The following RFLNA variants were observed in gnomAD, a reference collection of about 807,000 sequenced individuals.
The protein encoded by RFLNA is refilin-A.
Under a neutral mutation model 7.8 loss-of-function variants are expected in RFLNA, and 5 were observed. The observed-to-expected ratio is 0.64, with a 90% CI of 0.34 to 1.35. The LOEUF (loss-of-function observed/expected upper bound fraction) is 1.35, where lower values mean the gene tolerates loss of function less well. RFLNA is among the 40% of genes most tolerant of loss of function. The pLI is 0.04. For synonymous variants in RFLNA, 141 were observed against 131.3 expected (o/e 1.07, Z -0.50); for missense variants, 278 against 305.5 (o/e 0.91, Z 0.67).
At position 124,289,591 on chromosome 12, in the gene RFLNA, G is replaced by C. The variant is rs960543746; in HGVS notation, c.-37+221G>C. Reference sequence around the variant, plus strand: ...TTGTCCCCGCTTCCCTGTCTTAGTAGGGCAGGTGGTCAAGAGCTGGTTTTA... The same window carrying C: ...TTGTCCCCGCTTCCCTGTCTTAGTACGGCAGGTGGTCAAGAGCTGGTTTTA... On this transcript the variant is annotated intron_variant, in intron 1 of 2. Transcript: ENST00000324038. The surrounding 1 kb of genome is among the most constrained non-coding windows in gnomAD (Gnocchi z 5.0). Among the ~76,000 whole-genome samples the C allele has an allele frequency of 1.3e-5, 2 of 152,220 alleles. No homozygotes were observed. Among genetic ancestry groups the C allele is most frequent in the African/African-American group, 4.8e-5 (2 of 41,454 alleles).
At chr12:124,303,139 C>A (rs2034074871) in intron 1 of RFLNA, among the ~76,000 whole-genome samples, 1 of 152,210 alleles carries the variant, frequency 6.6e-6, no homozygotes, top group Non-Finnish European at 1.5e-5. Context: ...TGAGTCCCTG[C>A]CCAGCCGGGC....
intron 1 of RFLNA, among the ~76,000 whole-genome samples, chr12:124,298,903 G>A (rs1460376495): frequency 1.3e-5 from 2 of 152,214 alleles, no homozygotes; most frequent in Non-Finnish European, 2.9e-5. Context: ...TGGCCTGTTC[G>A]GGTGATGGGT....
upstream of RFLNA, among the ~76,000 whole-genome samples, chr12:124,293,215 C>T (rs1593021935): frequency 6.6e-6 from 1 of 152,322 alleles, no homozygotes; most frequent in East Asian, 1.9e-4. Context: ...GCGTGAGCCA[C>T]CGCACCAGGC....
Position 124,295,542 on chromosome 12 carries a change from C to T in RFLNA, c.113C>T (p.Pro38Leu). The change falls in exon 1 of 3, where the codon CCG (proline) becomes CTG (leucine). Residue 38 changes from proline (P) to leucine (L), a missense_variant. By Grantham distance (98) the Pro-to-Leu change is moderately conservative. Coordinates refer to ENST00000546355, the MANE Select transcript of RFLNA (RefSeq NM_001365156.1). ...CTGCCCCCCAGCCCCAGCCCCAGCC[C>T]GCCCTTCTACTCCCTGGCGCCCGGC... ...SGLPPSPSPSPPFYSLAPGIL... is the reference protein window; with the variant it reads ...SGLPPSPSPSLPFYSLAPGIL... 8.1e-7 allele frequency: 1 copy of T among 1,230,124 alleles called. No homozygotes were observed. The highest frequency in any genetic ancestry group is 1.0e-6 in the Non-Finnish European group (1 of 988,350). 76.2% of individuals were successfully genotyped at this position (1,230,124 alleles called of 1,614,324 possible).
In RFLNA at chr12:124,296,176, C is replaced by CTTTTCTTTTCTT. The variant is rs1248177040; in HGVS notation, c.207+542_207+543insTTCTTTTCTTTT. Among the ~76,000 whole-genome samples the CTTTTCTTTTCTT allele has an allele frequency of 3.9e-3, 18 of 4,610 alleles. 9 individuals are homozygous for CTTTTCTTTTCTT. In the Admixed American group the frequency reaches 0.056, roughly 14 times the overall value. 3.0% of individuals were successfully genotyped at this position (4,610 alleles called of 152,430 possible). A position where few individuals can be genotyped will look rare whatever the true frequency, so the allele number is the denominator to read the frequency against. ...CTTCTCTTCTCTTCTCTTCTCTTCT[C>CTTTTCTTTTCTT]TTCTCTTCTTTTCTTTTCTTTTCTT... On this transcript the variant is annotated intron_variant, in intron 1 of 2. Coordinates refer to ENST00000546355, the MANE Select transcript of RFLNA (RefSeq NM_001365156.1).
rs1469805916 is a variant in RFLNA at position 124,315,335 on chromosome 12, G to A, written c.*810G>A. 1 of 152,704 alleles carries A rather than the reference G, an allele frequency of 6.5e-6. No individual in the cohort carries two copies. Among genetic ancestry groups the A allele is most frequent in the Non-Finnish European group, 1.5e-5 (1 of 68,456 alleles). 9.5% of individuals were successfully genotyped at this position (152,704 alleles called of 1,614,324 possible). A position where few individuals can be genotyped will look rare whatever the true frequency, so the allele number is the denominator to read the frequency against. ...ACACCCATCCACGCACCACCTCCAG[G>A]ACGAGAACCCTTGATGTCAAAACCA... On this transcript the variant is annotated 3_prime_UTR_variant, in exon 3 of 3. Transcript: ENST00000546355.
At chr12:124,303,036 C>A (rs553375344) in intron 1 of RFLNA, among the ~76,000 whole-genome samples, 1 of 152,170 alleles carries the variant, frequency 6.6e-6, no homozygotes, top group African/African-American at 2.4e-5. Context: ...ACTGATGGGC[C>A]GCTAGTTGGC....
In RFLNA at chr12:124,289,979, G is replaced by A. The variant is rs1377406137; in HGVS notation, c.-37+609G>A. Among the ~76,000 whole-genome samples, 1 of 152,194 alleles carries A rather than the reference G, an allele frequency of 6.6e-6. No homozygotes were observed. Among genetic ancestry groups the A allele is most frequent in the Admixed American group, 6.5e-5 (1 of 15,280 alleles). ...CGGCTGGACAGCTCAGACAGGGCCT[G>A]TAAGGAGCGTGTGATCAAGAAGCCA... On this transcript the variant is annotated intron_variant, in intron 1 of 2. Transcript: ENST00000324038. The surrounding 1 kb of genome is among the most constrained non-coding windows in gnomAD (Gnocchi z 5.0).
At chr12:124,292,655 C>T (rs2033840946), upstream of RFLNA, among the ~76,000 whole-genome samples, 1 of 152,188 alleles carries the variant, frequency 6.6e-6, no homozygotes, top group East Asian at 1.9e-4. Context: ...TGCCTGCTGT[C>T]TGGTGTGCAC....
chr12:124,308,239 C>CTAGG (rs1387836526), intron 1 of RFLNA, among the ~76,000 whole-genome samples: 2 of 152,244 alleles, frequency 1.3e-5, no homozygotes, highest in African/African-American at 4.8e-5. Flanking sequence ...ACCTCGGCCT[C>CTAGG]CCAAAGTGCT....
At chr12:124,301,793 G>A (rs754819709) in intron 1 of RFLNA, among the ~76,000 whole-genome samples, 3 of 152,146 alleles carry the variant, frequency 2.0e-5, no homozygotes, top group Non-Finnish European at 4.4e-5. Flanking sequence ...TGTGCCCTAG[G>A]TTGACGGCCC....
chr12:124,295,902 T>C (rs1436825917), intron 1 of RFLNA, among the ~76,000 whole-genome samples: 2 of 151,030 alleles, frequency 1.3e-5, no homozygotes, highest in Non-Finnish European at 3.0e-5. Flanking sequence ...TCAGTAATAA[T>C]GGGGGGCTCA....
At chr12:124,299,520 CCT>C (rs2033989839) in intron 1 of RFLNA, among the ~76,000 whole-genome samples, 1 of 152,202 alleles carries the variant, frequency 6.6e-6, no homozygotes, top group Admixed American at 6.5e-5. Context: ...CACCCTTTCC[CCT>C]GAGTCCCCAA....
At chr12:124,305,857 G>T (rs1022616571) in intron 1 of RFLNA, among the ~76,000 whole-genome samples, 1 of 152,154 alleles carries the variant, frequency 6.6e-6, no homozygotes, top group South Asian at 2.1e-4. Context: ...ACCCAGGAAG[G>T]GAGCAGCTGC....
Position 124,311,829 on chromosome 12 carries a change from A to G in RFLNA, c.219A>G (p.Gln73=). 1.9e-6 allele frequency: 3 copies of G among 1,591,622 alleles called. No homozygotes were observed. The highest frequency in any genetic ancestry group is 2.6e-6 in the Non-Finnish European group (3 of 1,170,188). The change falls in exon 2 of 3, where the codon CAA becomes CAG. Residue 73 remains glutamine (Q), a synonymous_variant. Transcript: ENST00000546355. ...GPSEARAPPS[Q]LPNPPASEMR... ...GGCTCTCCCCACAGCCCCCCTCCCAACTCCCAAATCCCCCGGCGTCGGAGA... is the reference window on the plus strand; with the variant it reads ...GGCTCTCCCCACAGCCCCCCTCCCAGCTCCCAAATCCCCCGGCGTCGGAGA...
At chr12:124,303,850 G>A (rs959989635) in intron 1 of RFLNA, among the ~76,000 whole-genome samples, 1 of 152,216 alleles carries the variant, frequency 6.6e-6, no homozygotes, top group African/African-American at 2.4e-5. Context: ...ACCGGCTGGG[G>A]GTGGGGGTGG....
Position 124,289,724 on chromosome 12 carries a change from CT to C in RFLNA, c.-37+355del, listed in dbSNP as rs1050331041. Among the ~76,000 whole-genome samples the C allele has an allele frequency of 2.6e-5, 4 of 152,160 alleles. No homozygotes were observed. Among genetic ancestry groups the C allele is most frequent in the Non-Finnish European group, 4.4e-5 (3 of 68,016 alleles). On this transcript the variant is annotated intron_variant, in intron 1 of 2. Coordinates refer to the RFLNA transcript ENST00000324038. The surrounding 1 kb of genome is among the most constrained non-coding windows in gnomAD (Gnocchi z 5.0). ...CTAAAAATGAAGAGGTGAGTCACTG[CT>C]GGAGCTCTGTCCAGGCGTGGACATC...
At chr12:124,292,568 G>C (rs1190313958), upstream of RFLNA, among the ~76,000 whole-genome samples, 2 of 152,234 alleles carry the variant, frequency 1.3e-5, no homozygotes, top group African/African-American at 4.8e-5. Context: ...ATCTGAATAG[G>C]TCAGAGGTCA....
At position 124,303,275 on chromosome 12, in the gene RFLNA, G is replaced by A. The variant is rs149374877; in HGVS notation, c.207+7639G>A. ...CAGCCAGGAAGGTGGGGAGCTCCGA[G>A]GAGCCCCTGTGTACTTTGACTTCCA... is the stretch of plus-strand genomic sequence containing the variant. On this transcript the variant is annotated intron_variant, in intron 1 of 2. Transcript: ENST00000546355. 3.2e-3 allele frequency among the ~76,000 whole-genome samples: 489 copies of A among 152,306 alleles called. 4 individuals carry two copies. Among genetic ancestry groups the A allele is most frequent in the African/African-American group, 0.011 (468 of 41,572 alleles).
Sources: allele counts gnomAD v4.1 joint callset (sites outside exome capture counted in the v4.1 genomes callset), GRCh38; gene constraint gnomAD v4.1.1; non-coding constraint Gnocchi (gnomAD v3.1); transcripts MANE v1.5; gene names NCBI Gene and HGNC (gene_info 2026-07-23, HGNC 2026-07-21).